Variants in SPINT2 observed in about 807,000 individuals in gnomAD.
SPINT2 encodes the protein serine peptidase inhibitor, Kunitz type 2, also known as kunitz-type protease inhibitor 2.
SPINT2 carries 18 observed loss-of-function variants against 30.1 expected under a neutral mutation model. The ratio of observed to expected loss-of-function variants is 0.60; its 90% confidence interval spans 0.41 to 0.89. The LOEUF is 0.89. Among genes scored for constraint, SPINT2 ranks in the 40% least tolerant of loss-of-function variants. The pLI is 0.00. For missense variants in SPINT2, 276 were observed against 334.3 expected, an observed-to-expected ratio of 0.83 and a Z score of 1.36; for synonymous variants, 139 against 137.9, an observed-to-expected ratio of 1.01 and a Z score of -0.05.
intron 6 of SPINT2, chr19:38,291,005 C>G (rs1968711369): frequency 1.2e-5 from 3 of 248,124 alleles, no homozygotes; most frequent in South Asian, 1.0e-4. Context: ...GCCTGTGTTT[C>G]TGAGCTTGAG....
intron 1 of SPINT2, among the ~76,000 whole-genome samples, chr19:38,279,789 G>T (rs1024625120): frequency 2.0e-5 from 3 of 152,188 alleles, no homozygotes; most frequent in African/African-American, 7.2e-5. Flanking sequence ...GAGTAGCTGG[G>T]ACTACAGGTG....
intron 4 of SPINT2, 36 bp downstream of exon 4, chr19:38,289,227 A>T: frequency 6.3e-7 from 1 of 1,595,906 alleles, no homozygotes; most frequent in South Asian, 1.1e-5. Context: ...GGTGGCTCAC[A>T]CCTGTAATCC....
At chr19:38,283,159 GA>G (rs1255003172) in intron 1 of SPINT2, among the ~76,000 whole-genome samples, 1 of 150,702 alleles carries the variant, frequency 6.6e-6, no homozygotes, top group Admixed American at 6.6e-5. Flanking sequence ...TAAAAGTTCA[GA>G]AAAAAAAAGC....
intron 2 of SPINT2, among the ~76,000 whole-genome samples, chr19:38,287,584 C>T (rs1422641872): frequency 6.6e-6 from 1 of 152,192 alleles, no homozygotes; most frequent in Non-Finnish European, 1.5e-5. Flanking sequence ...GCCTTGGCCT[C>T]CCAAAGTACT....
intron 1 of SPINT2, chr19:38,265,267 C>T (rs1968364736): frequency 3.1e-6 from 1 of 324,208 alleles, no homozygotes; most frequent in East Asian, 6.1e-5. Context: ...GAAGGCGTGG[C>T]ACTGCCCCTT....
intron 1 of SPINT2, among the ~76,000 whole-genome samples, chr19:38,279,235 G>T (rs1477572081): frequency 6.6e-6 from 1 of 150,652 alleles, no homozygotes; most frequent in Non-Finnish European, 1.5e-5. Context: ...GCGGTGGCTC[G>T]TGCCTGTAAA....
intron 1 of SPINT2, among the ~76,000 whole-genome samples, chr19:38,278,491 A>T (rs1370429753): frequency 2.0e-5 from 3 of 152,244 alleles, no homozygotes; most frequent in Non-Finnish European, 4.4e-5. Context: ...GGTAGGGCAC[A>T]TGATATGCCA....
Position 38,276,645 on chromosome 19 carries a change from A to C in SPINT2, c.107-6982A>C, listed in dbSNP as rs546893686. Among the ~76,000 whole-genome samples, 4 of 152,160 alleles carry C rather than the reference A, an allele frequency of 2.6e-5. No individual in the cohort carries two copies. The South Asian group carries it at 8.3e-4, about 32-fold the overall frequency. On this transcript the variant is annotated intron_variant, in intron 1 of 6. Transcript: ENST00000301244. ...CGACAGAGCGAGACTCCATCTCAAA[A>C]AAACAAACAAACAAAGCTTATTTTA...
In SPINT2 at chr19:38,291,944, C is replaced by T. The variant is rs142877026; in HGVS notation, c.697C>T (p.Arg233Cys). 1.4e-4 allele frequency: 220 copies of T among 1,614,078 alleles called. No homozygotes were observed. Among genetic ancestry groups the T allele is most frequent in the African/African-American group, 9.5e-4 (71 of 75,056 alleles). The change falls in exon 7 of 7, where the codon CGC becomes TGC. Residue 233 changes from arginine (R) to cysteine (C), a missense_variant. Arg to Cys is a radical substitution (Grantham distance 180). Transcript: ENST00000301244. Reference protein sequence around the residue: ...VARRNQERALRTVWSSGDDKE... With the variant: ...VARRNQERALCTVWSSGDDKE... Reference sequence around the variant, plus strand: ...ACGGAGGAACCAGGAGCGTGCCCTGCGCACCGTCTGGAGCTCCGGAGATGA... The same window carrying T: ...ACGGAGGAACCAGGAGCGTGCCCTGTGCACCGTCTGGAGCTCCGGAGATGA...
intron 1 of SPINT2, among the ~76,000 whole-genome samples, chr19:38,283,329 A>AATAT (rs1402439422): frequency 6.6e-6 from 1 of 152,086 alleles, no homozygotes; most frequent in African/African-American, 2.4e-5. Context: ...TAAATAAATA[A>AATAT]AGTTATGTTT....
intron 1 of SPINT2, among the ~76,000 whole-genome samples, chr19:38,277,148 A>G (rs1043686170): frequency 3.9e-5 from 6 of 152,204 alleles, no homozygotes; most frequent in Non-Finnish European, 7.3e-5. Flanking sequence ...ACTCATCAGC[A>G]TATTTGAAAT....
chr19:38,285,551 C>G (rs1418340561), intron 2 of SPINT2, among the ~76,000 whole-genome samples: 1 of 152,068 alleles, frequency 6.6e-6, no homozygotes, highest in Non-Finnish European at 1.5e-5. Context: ...CACCATGTTA[C>G]CCAGGCTGGT....
chr19:38,289,039 G>A (rs779248846), intron 3 of SPINT2, 99 bp from the exon 4 acceptor site: 164 of 1,071,828 alleles, frequency 1.5e-4, no homozygotes, highest in Non-Finnish European at 2.0e-4. Context: ...TCTTAAAGGC[G>A]TGTCCACACT....
At position 38,287,527 on chromosome 19, in the gene SPINT2, A is replaced by G. The variant is rs116980779; in HGVS notation, c.278-349A>G. Reference sequence around the variant, plus strand: ...TTTTGTATTTTTAATAGGTTTTGCCATGTTGGCCAGGCTGGTCTCAAACTC... The same window carrying G: ...TTTTGTATTTTTAATAGGTTTTGCCGTGTTGGCCAGGCTGGTCTCAAACTC... On this transcript the variant is annotated intron_variant, in intron 2 of 6. Coordinates refer to ENST00000301244, the MANE Select transcript of SPINT2 (RefSeq NM_021102.4). Among the ~76,000 whole-genome samples the G allele has an allele frequency of 2.6e-3, 388 of 151,778 alleles. 10 individuals carry two copies. In the East Asian group the frequency reaches 0.05, roughly 19 times the overall value.
At position 38,292,069 on chromosome 19, in the gene SPINT2, A is replaced by G; in HGVS notation, c.*63A>G. On this transcript the variant is annotated 3_prime_UTR_variant, in exon 7 of 7. Transcript: ENST00000301244. ...GACTATGTGTGAGCTTTTTTTAAAT[A>G]GAGGGATTGACTCGGATTTGAGTGA... 1.3e-6 allele frequency: 2 copies of G among 1,587,132 alleles called. No individual in the cohort carries two copies. The highest frequency in any genetic ancestry group is 2.3e-5 in the South Asian group (2 of 87,650).
At chr19:38,283,230 G>A (rs1402793702) in intron 1 of SPINT2, among the ~76,000 whole-genome samples, 6 of 152,122 alleles carry the variant, frequency 3.9e-5, no homozygotes, top group South Asian at 2.1e-4. Context: ...CAAAAGAATC[G>A]TTTGAACCTG....
At chr19:38,270,617 G>T (rs912617873) in intron 1 of SPINT2, among the ~76,000 whole-genome samples, 2 of 152,232 alleles carry the variant, frequency 1.3e-5, no homozygotes, top group Non-Finnish European at 2.9e-5. Context: ...TGAGGGCCTT[G>T]CCTTCAGGTC....
At chr19:38,287,261 C>A (rs961032299) in intron 2 of SPINT2, among the ~76,000 whole-genome samples, 1 of 152,060 alleles carries the variant, frequency 6.6e-6, no homozygotes, top group Non-Finnish European at 1.5e-5. Flanking sequence ...TGCAGTGGTG[C>A]GATTTCGGCT....
At chr19:38,271,825 AAAAG>A (rs1186434491) in intron 1 of SPINT2, among the ~76,000 whole-genome samples, 20 of 151,516 alleles carry the variant, frequency 1.3e-4, no homozygotes, top group Non-Finnish European at 2.5e-4. Context: ...TCTCAGAAAA[AAAAG>A]AGGGCAAGAA....
Sources: gnomAD v4.1 joint callset for allele counts (sites outside exome capture counted in the v4.1 genomes callset) on GRCh38, gnomAD v4.1.1 for gene constraint, MANE v1.5 for transcripts, NCBI Gene and HGNC (gene_info 2026-07-23, HGNC 2026-07-21) for gene names.